The following ITPK1 variants were observed in gnomAD, a reference collection of about 807,000 sequenced individuals.
ITPK1 encodes inositol-tetrakisphosphate 1-kinase.
ITPK1 carries 21 observed loss-of-function variants against 45.3 expected under a neutral mutation model. The observed-to-expected ratio is 0.46, with a 90% confidence interval of 0.33 to 0.67. The LOEUF (loss-of-function observed/expected upper bound fraction) is 0.67. ITPK1 is among the 30% of genes least tolerant of loss of function. The pLI is 0.02. For missense variants in ITPK1, 474 were observed against 573.5 expected (o/e 0.83, Z 1.77); for synonymous variants, 258 against 253.6 (o/e 1.02, Z -0.16).
intron 5 of ITPK1, among the ~76,000 whole-genome samples, chr14:92,966,498 ATTG>A (rs777674871): frequency 5.9e-5 from 9 of 152,244 alleles, no homozygotes; most frequent in Non-Finnish European, 1.0e-4. Flanking sequence ...GAGATTTAAT[ATTG>A]TTAAGTGGGC....
At chr14:92,976,473 C>T (rs1885946554) in intron 5 of ITPK1, among the ~76,000 whole-genome samples, 1 of 152,198 alleles carries the variant, frequency 6.6e-6, no homozygotes, top group South Asian at 2.1e-4. Flanking sequence ...GGGAGAACCA[C>T]CCAGCTGAGC....
At chr14:92,971,795 G>A (rs1885666970) in intron 5 of ITPK1, among the ~76,000 whole-genome samples, 1 of 152,208 alleles carries the variant, frequency 6.6e-6, no homozygotes, top group Non-Finnish European at 1.5e-5. Context: ...CGGGGTGGTT[G>A]CAGGGACGCG....
At chr14:92,994,278 C>T (rs1025167136) in intron 4 of ITPK1, among the ~76,000 whole-genome samples, 1 of 152,226 alleles carries the variant, frequency 6.6e-6, no homozygotes, top group African/African-American at 2.4e-5. Context: ...TAAAACCTCA[C>T]CCGGAAGCAG....
At chr14:93,078,083 G>A (rs762146727) in intron 2 of ITPK1, among the ~76,000 whole-genome samples, 9 of 152,156 alleles carry the variant, frequency 5.9e-5, no homozygotes, top group East Asian at 1.9e-4. Flanking sequence ...ACTCCTCAAC[G>A]GCTGCTGGCA....
intron 8 of ITPK1, 23 bp from the exon 9 acceptor site, chr14:92,952,036 C>A (rs1178551528): frequency 6.4e-7 from 1 of 1,554,338 alleles, no homozygotes; most frequent in Non-Finnish European, 8.7e-7. Context: ...CAGGAAGGAG[C>A]CGGCGTTAGA....
At chr14:93,013,939 C>T (rs1316594990) in intron 4 of ITPK1, among the ~76,000 whole-genome samples, 1 of 152,196 alleles carries the variant, frequency 6.6e-6, no homozygotes, top group Non-Finnish European at 1.5e-5. Flanking sequence ...GCCTCTTCCC[C>T]AGCCCCCATC....
intron 5 of ITPK1, among the ~76,000 whole-genome samples, chr14:92,965,182 C>T (rs1437679697): frequency 6.6e-6 from 1 of 152,220 alleles, no homozygotes; most frequent in East Asian, 1.9e-4. Context: ...TGCTACTCTG[C>T]TCTGTGGCAA....
intron 2 of ITPK1, among the ~76,000 whole-genome samples, chr14:93,084,240 G>C (rs1205135727): frequency 6.6e-6 from 1 of 152,244 alleles, no homozygotes; most frequent in Non-Finnish European, 1.5e-5. Flanking sequence ...GAACCAGAAA[G>C]AAACAACTGA....
intron 3 of ITPK1, among the ~76,000 whole-genome samples, chr14:93,037,997 C>G (rs1479454039): frequency 6.6e-6 from 1 of 152,092 alleles, no homozygotes; most frequent in African/African-American, 2.4e-5. Flanking sequence ...ACACAAACAT[C>G]TGGATCCTAC....
intron 5 of ITPK1, among the ~76,000 whole-genome samples, chr14:92,968,923 T>G (rs950979017): frequency 6.6e-6 from 1 of 152,150 alleles, no homozygotes; most frequent in East Asian, 1.9e-4. Context: ...AAGGCAGTCT[T>G]GAGCCCACAG....
intron 4 of ITPK1, among the ~76,000 whole-genome samples, chr14:93,015,844 A>G (rs771091444): frequency 3.3e-5 from 5 of 152,210 alleles, no homozygotes; most frequent in African/African-American, 4.8e-5. Flanking sequence ...CCGGGTGACT[A>G]GGAGGCGGGT....
intron 2 of ITPK1, among the ~76,000 whole-genome samples, chr14:93,085,851 G>C (rs749257070): frequency 6.6e-6 from 1 of 152,096 alleles, no homozygotes; most frequent in Non-Finnish European, 1.5e-5. Context: ...TTGCAGGTGC[G>C]GTAATTTTTC....
chr14:93,052,460 T>C (rs1448964227), intron 3 of ITPK1, among the ~76,000 whole-genome samples: 1 of 152,126 alleles, frequency 6.6e-6, no homozygotes, highest in Non-Finnish European at 1.5e-5. Flanking sequence ...AAGGTCTAAG[T>C]CTCGATACCA....
intron 2 of ITPK1, among the ~76,000 whole-genome samples, chr14:93,078,246 C>G (rs1271243462): frequency 6.6e-6 from 1 of 152,198 alleles, no homozygotes; most frequent in African/African-American, 2.4e-5. Flanking sequence ...TTTGGGCACC[C>G]TTGCTCCCTT....
rs563433021 is a variant in ITPK1 at position 92,959,665 on chromosome 14, G to C, written c.505-1299C>G. Among the ~76,000 whole-genome samples, 113 of 152,068 alleles carry C rather than the reference G, an allele frequency of 7.4e-4. 1 individual carries two copies. In the South Asian group the frequency reaches 0.018, roughly 25 times the overall value. On this transcript the variant is annotated intron_variant, in intron 7 of 10. Coordinates refer to ENST00000267615, the MANE Select transcript of ITPK1 (RefSeq NM_014216.6). ...CCACTGTCTTCCTCTGCAAAATCAT[G>C]GGTGGCTTCAGGGATGCTTTGAGCT...
intron 3 of ITPK1, among the ~76,000 whole-genome samples, chr14:93,037,320 G>C (rs933206036): frequency 1.4e-4 from 21 of 152,242 alleles, no homozygotes; most frequent in African/African-American, 4.6e-4. Flanking sequence ...GTGTGTGTGG[G>C]TGTGTGTCTG....
Position 92,941,387 on chromosome 14 carries a change from C to G in ITPK1, c.*174G>C. ...ACGGTGGACCACCTGGTACTCTCTTCCATCCCCCACTACCCCTCATTTAGA... is the reference window on the plus strand; with the variant it reads ...ACGGTGGACCACCTGGTACTCTCTTGCATCCCCCACTACCCCTCATTTAGA... On this transcript the variant is annotated 3_prime_UTR_variant, in exon 11 of 11. Transcript: ENST00000267615. 1 of 1,417,900 alleles carries G rather than the reference C, an allele frequency of 7.1e-7. No individual in the cohort carries two copies. The highest frequency in any genetic ancestry group is 9.1e-7 in the Non-Finnish European group (1 of 1,093,482). The allele number at this position is 1,417,900 out of a possible 1,614,324, so 87.8% of individuals were successfully genotyped here.
rs1002384920 is a variant in ITPK1, at chr14:93,014,006, C to A, written c.246+2670G>T. On this transcript the variant is annotated intron_variant, in intron 4 of 10. Transcript: ENST00000267615. This position sits in a 1 kb window ranked among gnomAD's most constrained non-coding sequence, Gnocchi z 4.4. ...CCTGCCTGCCTCCTCTCTCCTGGGG[C>A]CTCTGGAAAGTGCAGCCCCGCACCC... is the stretch of plus-strand genomic sequence containing the variant. Among the ~76,000 whole-genome samples, 1 of 152,198 alleles carries A rather than the reference C, an allele frequency of 6.6e-6. No homozygotes were observed. The highest frequency in any genetic ancestry group is 1.5e-5 in the Non-Finnish European group (1 of 68,028).
At position 92,956,178 on chromosome 14, in the gene ITPK1, G is replaced by A. The variant is rs142013918; in HGVS notation, c.670+2023C>T. 1.6e-4 allele frequency among the ~76,000 whole-genome samples: 24 copies of A among 151,400 alleles called. No homozygotes were observed. The East Asian group carries it at 4.5e-3, about 28-fold the overall frequency. ...ACTGTCACCCAGGCTGGAATGCAGT[G>A]GCATGACCACAGCTCACTGCAACCT... On this transcript the variant is annotated intron_variant, in intron 8 of 10. Transcript: ENST00000267615.
Sources: allele counts gnomAD v4.1 joint callset (sites outside exome capture counted in the v4.1 genomes callset), GRCh38; gene constraint gnomAD v4.1.1; non-coding constraint Gnocchi (gnomAD v3.1); transcripts MANE v1.5; gene names NCBI Gene and HGNC (gene_info 2026-07-23, HGNC 2026-07-21).